OR4K2: variants seen among roughly 807,000 people sequenced by gnomAD.
The protein encoded by OR4K2 is olfactory receptor family 4 subfamily K member 2.
In OR4K2, 8 loss-of-function variants were observed where a neutral mutation model predicts 10.5. The observed-to-expected ratio is 0.76, with a 90% confidence interval of 0.45 to 1.37. The LOEUF is 1.37. Among genes scored for constraint, OR4K2 ranks in the 40% most tolerant of loss-of-function variants. The probability of loss-of-function intolerance (pLI) is 0.00; values close to 1 mark genes in which losing one functional copy is unlikely to be tolerated. For missense variants in OR4K2, 547 were observed against 379.5 expected (o/e 1.44, Z -3.67); for synonymous variants, 178 against 133.6 (o/e 1.33, Z -2.29).
rs2138533760 is a variant in OR4K2, at chr14:19,880,220, A to G, written c.*3008A>G. ...TCTGAAGTCTAATGTGTAGTTTTAA[A>G]AGTCTTAGACTCTGGTATCTTTTTT... On this transcript the variant is annotated 3_prime_UTR_variant, in exon 2 of 2. Transcript: ENST00000641885. 6.6e-6 allele frequency: 1 copy of G among 152,546 alleles called. No homozygotes were observed. Among genetic ancestry groups the G allele is most frequent in the African/African-American group, 2.4e-5 (1 of 41,556 alleles). The allele number at this position is 152,546 out of a possible 1,614,324, so 9.4% of individuals were successfully genotyped here.
intron 1 of OR4K2, 31 bp from the exon 2 acceptor site, chr14:19,876,214 C>G (rs1421802282): frequency 6.3e-6 from 4 of 637,896 alleles, no homozygotes; most frequent in Non-Finnish European, 1.0e-5. Context: ...TCTGACTTTC[C>G]TTTTTTTTTT....
Position 19,877,732 on chromosome 14 carries a change from T to C in OR4K2, c.*520T>C, listed in dbSNP as rs1426465272. On this transcript the variant is annotated 3_prime_UTR_variant, in exon 2 of 2. Transcript: ENST00000641885. ...TGTGATCTCTTCTATTAAAGAAAAC[T>C]CTAGATATATTTTATTTCGAATGTT... is the stretch of plus-strand genomic sequence containing the variant. The C allele has an allele frequency of 6.5e-5, 10 of 153,164 alleles. No individual in the cohort carries two copies. Among genetic ancestry groups the C allele is most frequent in the African/African-American group, 1.9e-4 (8 of 41,590 alleles). 9.5% of individuals were successfully genotyped at this position (153,164 alleles called of 1,614,324 possible). A position where few individuals can be genotyped will look rare whatever the true frequency, so the allele number is the denominator to read the frequency against.
rs1029425318 is a variant in OR4K2, at chr14:19,876,001, G to T, written c.-157G>T. 31 of 423,060 alleles carry T rather than the reference G, an allele frequency of 7.3e-5. No individual in the cohort carries two copies. The highest frequency in any genetic ancestry group is 2.9e-5 in the Non-Finnish European group (7 of 237,536). 26.2% of individuals were successfully genotyped at this position (423,060 alleles called of 1,614,324 possible). A position where few individuals can be genotyped will look rare whatever the true frequency, so the allele number is the denominator to read the frequency against. On this transcript the variant is annotated 5_prime_UTR_variant, in exon 1 of 2. Transcript: ENST00000641885. ...AGAATGATATTATCTTGGTTGGATTGCCATTAGTATCAGAAAAGAAAGTGT... is the reference window on the plus strand; with the variant it reads ...AGAATGATATTATCTTGGTTGGATTTCCATTAGTATCAGAAAAGAAAGTGT...
Position 19,877,255 on chromosome 14 carries a change from T to TTTCTTTCTAGAGGG in OR4K2, c.*49_*62dup. The TTTCTTTCTAGAGGG allele has an allele frequency of 7.3e-7, 1 of 1,365,850 alleles. No homozygotes were observed. Among genetic ancestry groups the TTTCTTTCTAGAGGG allele is most frequent in the Non-Finnish European group, 1.0e-6 (1 of 1,000,542 alleles). 84.6% of individuals were successfully genotyped at this position (1,365,850 alleles called of 1,614,324 possible). A position where few individuals can be genotyped will look rare whatever the true frequency, so the allele number is the denominator to read the frequency against. ...ATTAGACACAATGCTGTGTTAGGCTTTTCTTTCTAGAGGGTTCTTACCAAA... is the reference window on the plus strand; with the variant it reads ...ATTAGACACAATGCTGTGTTAGGCTTTTCTTTCTAGAGGGTTCTTTCTAGAGGGTTCTTACCAAA... On this transcript the variant is annotated 3_prime_UTR_variant, in exon 2 of 2. Coordinates refer to ENST00000641885, the MANE Select transcript of OR4K2 (RefSeq NM_001005501.2).
Position 19,877,778 on chromosome 14 carries a change from C to T in OR4K2, c.*566C>T, listed in dbSNP as rs1343895383. 5.2e-5 allele frequency: 8 copies of T among 152,750 alleles called. No homozygotes were observed. In the East Asian group the frequency reaches 1.5e-3, roughly 29 times the overall value. The allele number at this position is 152,750 out of a possible 1,614,324, so 9.5% of individuals were successfully genotyped here. A position where few individuals can be genotyped will look rare whatever the true frequency, so the allele number is the denominator to read the frequency against. On this transcript the variant is annotated 3_prime_UTR_variant, in exon 2 of 2. Transcript: ENST00000641885. ...ATGTTAATGACGTCCATAAAATTGC[C>T]GTAAGTGTAGCAATCTTTACCAACC...
rs1338643414 is a variant in OR4K2, at chr14:19,875,867, ATGTATG to A, written c.-281_-276del. On this transcript the variant is annotated 5_prime_UTR_variant, in exon 1 of 2. An upstream start codon of the reference 5' UTR is lost. Coordinates refer to ENST00000641885, the MANE Select transcript of OR4K2 (RefSeq NM_001005501.2). Reference sequence around the variant, plus strand: ...ATGGACAAATTCCAAATGACTAAACATGTATGTGTATGTGTGTTTCACACATTGTCA... The same window carrying A: ...ATGGACAAATTCCAAATGACTAAACATGTATGTGTGTTTCACACATTGTCA... 1 of 179,132 alleles carries A rather than the reference ATGTATG, an allele frequency of 5.6e-6. No individual in the cohort carries two copies. Among genetic ancestry groups the A allele is most frequent in the African/African-American group, 2.4e-5 (1 of 41,956 alleles). The allele number at this position is 179,132 out of a possible 1,614,324, so 11.1% of individuals were successfully genotyped here. A position where few individuals can be genotyped will look rare whatever the true frequency, so the allele number is the denominator to read the frequency against.
In OR4K2 at chr14:19,879,195, C is replaced by T. The variant is rs1880980732; in HGVS notation, c.*1983C>T. 6.6e-6 allele frequency: 1 copy of T among 151,808 alleles called. No homozygotes were observed. Among genetic ancestry groups the T allele is most frequent in the African/African-American group, 2.4e-5 (1 of 41,328 alleles). The allele number at this position is 151,808 out of a possible 1,614,324, so 9.4% of individuals were successfully genotyped here. A position where few individuals can be genotyped will look rare whatever the true frequency, so the allele number is the denominator to read the frequency against. On this transcript the variant is annotated 3_prime_UTR_variant, in exon 2 of 2. Coordinates refer to ENST00000641885, the MANE Select transcript of OR4K2 (RefSeq NM_001005501.2). ...TTACAGAAAGCCTTTGGAGGGCTTACATATATAAATGGAACTATCACATTT... is the reference window on the plus strand; with the variant it reads ...TTACAGAAAGCCTTTGGAGGGCTTATATATATAAATGGAACTATCACATTT...
In OR4K2 at chr14:19,877,335, C is replaced by CACAT; in HGVS notation, c.*123_*124insACAT. The stretch of plus-strand genomic sequence containing the variant: ...AAGTTCAGTGCATTTTGAAACTATT[C>CACAT]TCATGAATGTGAATGTGTTCAAAAT... On this transcript the variant is annotated 3_prime_UTR_variant, in exon 2 of 2. Transcript: ENST00000641885. 1 of 691,486 alleles carries CACAT rather than the reference C, an allele frequency of 1.4e-6. No individual in the cohort carries two copies. Among genetic ancestry groups the CACAT allele is most frequent in the Non-Finnish European group, 2.4e-6 (1 of 423,120 alleles). The allele number at this position is 691,486 out of a possible 1,614,324, so 42.8% of individuals were successfully genotyped here. A position where few individuals can be genotyped will look rare whatever the true frequency, so the allele number is the denominator to read the frequency against.
chr14:19,876,230 T>TAG lies in OR4K2; in HGVS notation c.-23-15_-23-14insAG. 8.8e-7 allele frequency: 1 copy of TAG among 1,137,004 alleles called. No homozygotes were observed. The highest frequency in any genetic ancestry group is 1.2e-6 in the Non-Finnish European group (1 of 841,548). The allele number at this position is 1,137,004 out of a possible 1,614,324, so 70.4% of individuals were successfully genotyped here. On this transcript the variant is annotated splice_polypyrimidine_tract_variant and intron_variant, in intron 1 of 1. Coordinates refer to ENST00000641885, the MANE Select transcript of OR4K2 (RefSeq NM_001005501.2). The stretch of plus-strand genomic sequence containing the variant: ...CTGACTTTCCTTTTTTTTTTTTTTT[T>TAG]TTTTCGTGATACAGGCTTCTGCCTA...
At position 19,876,867 on chromosome 14, in the gene OR4K2, C is replaced by T. The variant is rs1389369434; in HGVS notation, c.600C>T (p.Ile200=). The change falls in exon 2 of 2, where the codon ATC becomes ATT. Residue 200 remains isoleucine, a synonymous_variant. Coordinates refer to ENST00000641885, the MANE Select transcript of OR4K2 (RefSeq NM_001005501.2). ...VDTYVLGLFM[I]STSGIIALSC... ...CTTATGTTCTGGGCCTCTTTATGATCTCAACAAGTGGCATAATTGCGTTGT... is the reference window on the plus strand; with the variant it reads ...CTTATGTTCTGGGCCTCTTTATGATTTCAACAAGTGGCATAATTGCGTTGT... 4 of 1,613,998 alleles carry T rather than the reference C, an allele frequency of 2.5e-6. No individual in the cohort carries two copies. Among genetic ancestry groups the T allele is most frequent in the African/African-American group, 1.3e-5 (1 of 74,932 alleles).
rs1881021920 is a variant in OR4K2 at position 19,880,975 on chromosome 14, G to C, written c.*3763G>C. 1 of 152,156 alleles carries C rather than the reference G, an allele frequency of 6.6e-6. No individual in the cohort carries two copies. Among genetic ancestry groups the C allele is most frequent in the Admixed American group, 6.5e-5 (1 of 15,272 alleles). The allele number at this position is 152,156 out of a possible 1,614,324, so 9.4% of individuals were successfully genotyped here. ...ATTATGCTGCTATATAGAAGTTCTT[G>C]GTAAAATGCTGTTATTTGTGCATAT... On this transcript the variant is annotated 3_prime_UTR_variant, in exon 2 of 2. Coordinates refer to ENST00000641885, the MANE Select transcript of OR4K2 (RefSeq NM_001005501.2).
rs756781716 is a variant in OR4K2, at chr14:19,878,926, A to G, written c.*1714A>G. 6.6e-6 allele frequency: 1 copy of G among 152,244 alleles called. No individual in the cohort carries two copies. The highest frequency in any genetic ancestry group is 1.5e-5 in the Non-Finnish European group (1 of 68,036). 9.4% of individuals were successfully genotyped at this position (152,244 alleles called of 1,614,324 possible). A position where few individuals can be genotyped will look rare whatever the true frequency, so the allele number is the denominator to read the frequency against. On this transcript the variant is annotated 3_prime_UTR_variant, in exon 2 of 2. Transcript: ENST00000641885. ...GCTAGAAATAATTCTTTTACTTGAC[A>G]TATTTCTTTGTCCAGGGAATATTTT...
At position 19,880,356 on chromosome 14, in the gene OR4K2, G is replaced by A. The variant is rs1047734270; in HGVS notation, c.*3144G>A. On this transcript the variant is annotated 3_prime_UTR_variant, in exon 2 of 2. Coordinates refer to ENST00000641885, the MANE Select transcript of OR4K2 (RefSeq NM_001005501.2). ...ACATATGTTAAAGGAGATAATAGTG[G>A]TCTCTACACCACAGAGTTATTTGAG... 2 of 152,072 alleles carry A rather than the reference G, an allele frequency of 1.3e-5. No homozygotes were observed. Among genetic ancestry groups the A allele is most frequent in the Non-Finnish European group, 2.9e-5 (2 of 68,006 alleles). 9.4% of individuals were successfully genotyped at this position (152,072 alleles called of 1,614,324 possible).
Position 19,877,247 on chromosome 14 carries a change from G to C in OR4K2, c.*35G>C. On this transcript the variant is annotated 3_prime_UTR_variant, in exon 2 of 2. Coordinates refer to ENST00000641885, the MANE Select transcript of OR4K2 (RefSeq NM_001005501.2). The stretch of plus-strand genomic sequence containing the variant: ...CACAGAACATTAGACACAATGCTGT[G>C]TTAGGCTTTTCTTTCTAGAGGGTTC... 7.1e-7 allele frequency: 1 copy of C among 1,403,304 alleles called. No individual in the cohort carries two copies. Among genetic ancestry groups the C allele is most frequent in the African/African-American group, 1.4e-5 (1 of 69,646 alleles). The allele number at this position is 1,403,304 out of a possible 1,614,324, so 86.9% of individuals were successfully genotyped here. A position where few individuals can be genotyped will look rare whatever the true frequency, so the allele number is the denominator to read the frequency against.
At position 19,875,790 on chromosome 14, in the gene OR4K2, G is replaced by A. The variant is rs1880878946; in HGVS notation, c.-368G>A. The A allele has an allele frequency of 1.3e-5, 2 of 155,738 alleles. No individual in the cohort carries two copies. The highest frequency in any genetic ancestry group is 3.9e-4 in the South Asian group (2 of 5,082). The allele number at this position is 155,738 out of a possible 1,614,324, so 9.6% of individuals were successfully genotyped here. ...AAACTTCACTATAATGTGCTTAAGA[G>A]CCCTTATATGTGATATAATTTTTAT... On this transcript the variant is annotated 5_prime_UTR_variant, in exon 1 of 2. Coordinates refer to ENST00000641885, the MANE Select transcript of OR4K2 (RefSeq NM_001005501.2).
In OR4K2 at chr14:19,876,658, C is replaced by G; in HGVS notation, c.391C>G (p.His131Asp). The G allele has an allele frequency of 6.2e-7, 1 of 1,614,176 alleles. No individual in the cohort carries two copies. Among genetic ancestry groups the G allele is most frequent in the East Asian group, 2.2e-5 (1 of 44,892 alleles). The change falls in exon 2 of 2, where the codon CAC becomes GAC. Residue 131 changes from histidine to aspartate, a missense_variant. By Grantham distance (81) the His-to-Asp change is moderately conservative (BLOSUM62 -1). Coordinates refer to ENST00000641885, the MANE Select transcript of OR4K2 (RefSeq NM_001005501.2). Reference protein sequence around the residue: ...DRYIAICKPLHYASVISPQVC... With the variant: ...DRYIAICKPLDYASVISPQVC... ...GTATATTGCAATATGCAAGCCCCTGCACTATGCTTCTGTCATTAGTCCCCA... is the reference window on the plus strand; with the variant it reads ...GTATATTGCAATATGCAAGCCCCTGGACTATGCTTCTGTCATTAGTCCCCA...
Position 19,882,025 on chromosome 14 carries a change from A to G in OR4K2, c.*4813A>G, listed in dbSNP as rs1412487464. On this transcript the variant is annotated 3_prime_UTR_variant, in exon 2 of 2. Coordinates refer to ENST00000641885, the MANE Select transcript of OR4K2 (RefSeq NM_001005501.2). ...GTGAATAATTCAAAGACTTACAGGA[A>G]CATGCATTGGAGGCTGCAACTGGAG... 6.6e-6 allele frequency: 1 copy of G among 152,244 alleles called. No individual in the cohort carries two copies. Among genetic ancestry groups the G allele is most frequent in the Non-Finnish European group, 1.5e-5 (1 of 68,050 alleles). The allele number at this position is 152,244 out of a possible 1,614,324, so 9.4% of individuals were successfully genotyped here.
At position 19,876,705 on chromosome 14, in the gene OR4K2, G is replaced by A. The variant is rs1216926074; in HGVS notation, c.438G>A (p.Val146=). The A allele has an allele frequency of 6.2e-7, 1 of 1,614,016 alleles. No homozygotes were observed. Among genetic ancestry groups the A allele is most frequent in the South Asian group, 1.1e-5 (1 of 91,076 alleles). ...CCCAGGTGTGTGTTGCTCTCGTGGTGGCTTCCTGGATTATGGGAGTTATGC... is the reference window on the plus strand; with the variant it reads ...CCCAGGTGTGTGTTGCTCTCGTGGTAGCTTCCTGGATTATGGGAGTTATGC... ...ISPQVCVALV[V]ASWIMGVMHS... The change falls in exon 2 of 2, where the codon GTG becomes GTA. Residue 146 remains valine (V), a synonymous_variant. Transcript: ENST00000641885.
At position 19,878,282 on chromosome 14, in the gene OR4K2, T is replaced by TACCC. The variant is rs1880961032; in HGVS notation, c.*1071_*1074dup. 6.6e-6 allele frequency: 1 copy of TACCC among 152,342 alleles called. No individual in the cohort carries two copies. Among genetic ancestry groups the TACCC allele is most frequent in the East Asian group, 1.9e-4 (1 of 5,194 alleles). 9.4% of individuals were successfully genotyped at this position (152,342 alleles called of 1,614,324 possible). A position where few individuals can be genotyped will look rare whatever the true frequency, so the allele number is the denominator to read the frequency against. On this transcript the variant is annotated 3_prime_UTR_variant, in exon 2 of 2. Coordinates refer to ENST00000641885, the MANE Select transcript of OR4K2 (RefSeq NM_001005501.2). Reference sequence around the variant, plus strand: ...TTGAAAGAGGAAAAATAATTGTGTATACCCTACTTTGCAAATCATCTTTAA... The same window carrying TACCC: ...TTGAAAGAGGAAAAATAATTGTGTATACCCACCCTACTTTGCAAATCATCTTTAA...
Sources: allele counts gnomAD v4.1 joint callset, GRCh38; gene constraint gnomAD v4.1.1; transcripts MANE v1.5; gene names NCBI Gene and HGNC (gene_info 2026-07-23, HGNC 2026-07-21).